OPCML: variants seen among roughly 807,000 people sequenced by gnomAD.
The protein encoded by OPCML is opioid binding protein/cell adhesion molecule like.
In OPCML, 13 loss-of-function variants were observed where a neutral mutation model predicts 37.8. The ratio of observed to expected loss-of-function variants is 0.34; its 90% CI spans 0.22 to 0.55. The LOEUF is 0.55. OPCML is among the 20% of genes least tolerant of loss of function. The pLI, the probability that OPCML is intolerant of heterozygous loss-of-function variation, is 0.91. For synonymous variants in OPCML, 176 were observed against 168.8 expected (o/e 1.04, Z -0.33); for missense variants, 341 against 435.6 (o/e 0.78, Z 1.93).
chr11:132,620,070 G>C (rs1267142759), intron 3 of OPCML, among the ~76,000 whole-genome samples: 1 of 152,114 alleles, frequency 6.6e-6, no homozygotes, highest in Non-Finnish European at 1.5e-5. Flanking sequence ...TTGAAGGAAA[G>C]GAGAAGAAAA....
intron 1 of OPCML, among the ~76,000 whole-genome samples, chr11:133,217,032 C>A (rs910487597): frequency 1.3e-5 from 2 of 152,172 alleles, no homozygotes; most frequent in Non-Finnish European, 2.9e-5. Flanking sequence ...GTTTAACTTG[C>A]AGATTGTTGC....
intron 1 of OPCML, among the ~76,000 whole-genome samples, chr11:133,350,442 G>C (rs74596553): frequency 0.015 from 2,337 of 152,228 alleles, 70 homozygotes; most frequent in African/African-American, 0.053. Context: ...ACATCAGTAA[G>C]ATGTGAGAAA....
At chr11:133,308,706 CA>C in intron 1 of OPCML, among the ~76,000 whole-genome samples, 1 of 152,008 alleles carries the variant, frequency 6.6e-6, no homozygotes, top group South Asian at 2.1e-4. Flanking sequence ...TTCATCAGTA[CA>C]AAAAAACAAA....
intron 2 of OPCML, among the ~76,000 whole-genome samples, chr11:132,909,972 A>C (rs2136535793): frequency 6.6e-6 from 1 of 152,358 alleles, no homozygotes; most frequent in Non-Finnish European, 1.5e-5. Flanking sequence ...TAATTGTTTT[A>C]GAGTTAATTG....
chr11:133,182,578 G>GGT (rs1312894530), intron 1 of OPCML, among the ~76,000 whole-genome samples: 1 of 152,092 alleles, frequency 6.6e-6, no homozygotes, highest in Non-Finnish European at 1.5e-5. Flanking sequence ...CTCTAAAAGG[G>GGT]GTATCCTAAT....
Position 132,922,991 on chromosome 11 carries a change from T to C in OPCML, c.146+19935A>G, listed in dbSNP as rs1338729551. On this transcript the variant is annotated intron_variant, in intron 2 of 7. Coordinates refer to ENST00000524381, the MANE Select transcript of OPCML (RefSeq NM_001012393.5). ...CCAAAGGCTGAGGTGGGAGGGTCGCTTGAGCCTGGGAAGTCAAGGCTGTAT... is the reference window on the plus strand; with the variant it reads ...CCAAAGGCTGAGGTGGGAGGGTCGCCTGAGCCTGGGAAGTCAAGGCTGTAT... Among the ~76,000 whole-genome samples the C allele has an allele frequency of 3.3e-5, 5 of 151,896 alleles. No individual in the cohort carries two copies. In the East Asian group the frequency reaches 9.7e-4, roughly 29 times the overall value.
chr11:133,380,200 G>A lies in OPCML; in HGVS notation c.61+152064C>T, dbSNP rs1025656979. ...GAAATGGTATCATCAGAGAGGATGC[G>A]GTGAATTCAGATAAAGGGTATCTGG... On this transcript the variant is annotated intron_variant, in intron 1 of 7. Transcript: ENST00000524381. Among the ~76,000 whole-genome samples, 9 of 152,222 alleles carry A rather than the reference G, an allele frequency of 5.9e-5. No individual in the cohort carries two copies. The East Asian group carries it at 1.2e-3, about 20-fold the overall frequency.
chr11:133,181,321 G>A (rs1003700277), intron 1 of OPCML, among the ~76,000 whole-genome samples: 1 of 136,408 alleles, frequency 7.3e-6, no homozygotes, highest in African/African-American at 2.8e-5. Flanking sequence ...TCAATATTCC[G>A]GTTGTGATTT....
At position 132,675,003 on chromosome 11, in the gene OPCML, A is replaced by C. The variant is rs186666615; in HGVS notation, c.147-17684T>G. 5.9e-5 allele frequency among the ~76,000 whole-genome samples: 9 copies of C among 152,282 alleles called. No individual in the cohort carries two copies. In the East Asian group the frequency reaches 1.7e-3, roughly 29 times the overall value. On this transcript the variant is annotated intron_variant, in intron 2 of 7. Transcript: ENST00000524381. The stretch of plus-strand genomic sequence containing the variant: ...GCTACTATTCATATGTTCCTTGTTC[A>C]CATGAGTAAATTTCCCTGTGTCATT...
intron 1 of OPCML, among the ~76,000 whole-genome samples, chr11:133,244,768 G>A (rs1367276348): frequency 1.3e-5 from 2 of 152,152 alleles, no homozygotes; most frequent in Admixed American, 1.3e-4. Context: ...TGCCACAATT[G>A]TAAGTTTCCT....
rs1475184815 is a variant in OPCML, at chr11:133,174,638, T to G, written c.62-231628A>C. Among the ~76,000 whole-genome samples the G allele has an allele frequency of 3.4e-5, 3 of 87,814 alleles. No homozygotes were observed. Among genetic ancestry groups the G allele is most frequent in the Admixed American group, 1.2e-4 (1 of 8,366 alleles). 57.6% of individuals were successfully genotyped at this position (87,814 alleles called of 152,430 possible). ...AAAATGCTCATGGAATGCTGTTTAG[T>G]GAAAAAAAAAAAAAAAAAAAGCAGG... On this transcript the variant is annotated intron_variant, in intron 1 of 7. Transcript: ENST00000524381. This position sits in a 1 kb window ranked among gnomAD's most constrained non-coding sequence, Gnocchi z 4.6.
chr11:133,260,761 C>T (rs1415868224), intron 1 of OPCML, among the ~76,000 whole-genome samples: 1 of 152,150 alleles, frequency 6.6e-6, no homozygotes, highest in Non-Finnish European at 1.5e-5. Flanking sequence ...ATGGCTAGAG[C>T]CAGATTTCAG....
intron 2 of OPCML, among the ~76,000 whole-genome samples, chr11:132,936,973 A>G (rs1466885144): frequency 6.6e-6 from 1 of 152,202 alleles, no homozygotes; most frequent in Non-Finnish European, 1.5e-5. Context: ...AAAATGAAGA[A>G]AAGTTAGCAC....
chr11:132,541,140 G>T (rs1293263837), intron 3 of OPCML, among the ~76,000 whole-genome samples: 1 of 152,214 alleles, frequency 6.6e-6, no homozygotes, highest in Non-Finnish European at 1.5e-5. Flanking sequence ...TCAAGCATTT[G>T]CTGTGAGGTG....
chr11:132,457,609 G>A (rs1158673065), intron 4 of OPCML, among the ~76,000 whole-genome samples: 1 of 152,146 alleles, frequency 6.6e-6, no homozygotes, highest in African/African-American at 2.4e-5. Context: ...ACATGCCAAA[G>A]CAATAAGACC....
chr11:133,194,857 T>C (rs1938475366), intron 1 of OPCML, among the ~76,000 whole-genome samples: 1 of 152,200 alleles, frequency 6.6e-6, no homozygotes, highest in Non-Finnish European at 1.5e-5. Context: ...CTTGCTTGTG[T>C]CTGTGGTTTT....
At chr11:133,186,814 T>C (rs1265348142) in intron 1 of OPCML, among the ~76,000 whole-genome samples, 1 of 152,176 alleles carries the variant, frequency 6.6e-6, no homozygotes, top group Non-Finnish European at 1.5e-5. Flanking sequence ...TGCTGACTGG[T>C]GCTCAGTGTG....
chr11:132,816,274 A>C (rs1411783702), intron 2 of OPCML, among the ~76,000 whole-genome samples: 1 of 152,118 alleles, frequency 6.6e-6, no homozygotes. Context: ...CTGTTTTTGT[A>C]AAGGGCCAGA....
At chr11:133,270,342 T>C (rs1334510601) in intron 1 of OPCML, among the ~76,000 whole-genome samples, 1 of 152,118 alleles carries the variant, frequency 6.6e-6, no homozygotes, top group Non-Finnish European at 1.5e-5. Context: ...TAGGGAGCTT[T>C]AAAATATCAC....
Sources: gnomAD v4.1 joint callset for allele counts (sites outside exome capture counted in the v4.1 genomes callset) on GRCh38, gnomAD v4.1.1 for gene constraint, Gnocchi (gnomAD v3.1) non-coding constraint, MANE v1.5 for transcripts, NCBI Gene and HGNC (gene_info 2026-07-23, HGNC 2026-07-21) for gene names.